FH: variants seen among roughly 807,000 people sequenced by gnomAD.
The protein encoded by FH is fumarate hydratase.
FH carries 22 observed loss-of-function variants against 49.4 expected under a neutral mutation model. That is an observed-to-expected ratio of 0.45 (90% CI 0.32 to 0.64). The LOEUF is 0.64. FH is among the 30% of genes least tolerant of loss of function. FH has a pLI of 0.05. For synonymous variants in FH, 208 were observed against 223.0 expected, an observed-to-expected ratio of 0.93 and a Z score of 0.60; for missense variants, 526 against 641.5, an observed-to-expected ratio of 0.82 and a Z score of 1.95.
intron 9 of FH, among the ~76,000 whole-genome samples, chr1:241,498,694 C>CACATAT (rs1659685886): frequency 5.6e-5 from 3 of 53,166 alleles, no homozygotes; most frequent in African/African-American, 2.2e-4. Context: ...GCTGTCTTAA[C>CACATAT]ATATATATAT....
chr1:241,501,698 A>C (rs995665054), intron 8 of FH, among the ~76,000 whole-genome samples: 13 of 152,228 alleles, frequency 8.5e-5, no homozygotes, highest in Non-Finnish European at 1.5e-5. Flanking sequence ...AGATTCCAAG[A>C]GAAAGTAAGC....
At chr1:241,513,127 G>A (rs576471334) in intron 3 of FH, among the ~76,000 whole-genome samples, 10 of 151,908 alleles carry the variant, frequency 6.6e-5, no homozygotes, top group African/African-American at 2.2e-4. Context: ...TTATAGTTAC[G>A]CATTGTCTAA....
chr1:241,515,894 T>C (rs1356741136), intron 2 of FH, among the ~76,000 whole-genome samples: 1 of 152,210 alleles, frequency 6.6e-6, no homozygotes, highest in Admixed American at 6.5e-5. Context: ...TTCTAATTAA[T>C]GGCATCTTAA....
chr1:241,508,467 G>C (rs1659984641), intron 5 of FH, 136 bp downstream of exon 5: 1 of 726,558 alleles, frequency 1.4e-6, no homozygotes. Flanking sequence ...ATTACTGATT[G>C]GTTGAACAGA....
intron 8 of FH, among the ~76,000 whole-genome samples, chr1:241,501,128 A>G (rs1659770860): frequency 6.6e-6 from 1 of 152,192 alleles, no homozygotes; most frequent in South Asian, 2.1e-4. Flanking sequence ...TCACTGTAAA[A>G]TAACTTTTCA....
rs1245254230 is a variant in FH, at chr1:241,506,018, C to T, written c.889G>A (p.Val297Met). 3.7e-6 allele frequency: 6 copies of T among 1,613,854 alleles called. No homozygotes were observed. Among genetic ancestry groups the T allele is most frequent in the African/African-American group, 2.7e-5 (2 of 74,908 alleles). ...IGFAEKVAAKVAALTGLPFVT... is the reference protein window; with the variant it reads ...IGFAEKVAAKMAALTGLPFVT... ...GATCACTAACCTGTAAGTGCAGCCA[C>T]TTTTGCAGCAACCTTTTCTGCAAAG... The change falls in exon 6 of 10, where the codon GTG becomes ATG. Residue 297 changes from valine (V) to methionine (M), a missense_variant. This residue lies in a region of FH where 383 missense variants were observed against 514.0 expected (regional missense o/e 0.75). Transcript: ENST00000366560.
chr1:241,517,061 C>G, intron 2 of FH, 121 bp downstream of exon 2: 6 of 1,249,228 alleles, frequency 4.8e-6, no homozygotes, highest in Non-Finnish European at 6.9e-6. Context: ...TTATTACTCA[C>G]GAAGCCATCT....
At chr1:241,513,258 T>C (rs1291084597) in intron 3 of FH, among the ~76,000 whole-genome samples, 2 of 152,098 alleles carry the variant, frequency 1.3e-5, no homozygotes, top group African/African-American at 4.8e-5. Context: ...ATTCTCAATA[T>C]GCATTATCAA....
At chr1:241,515,368 C>T (rs2992644) in intron 2 of FH, among the ~76,000 whole-genome samples, 98,527 of 151,880 alleles carry the variant, frequency 0.65, 32,335 homozygotes, top group South Asian at 0.76. Flanking sequence ...AAACGGCAGC[C>T]ATGCTCACTC....
rs573311798 is a variant in FH at position 241,513,704 on chromosome 1, T to C, written c.277A>G (p.Ile93Val). Residue 93 changes from isoleucine to valine, a missense_variant, in exon 3 of 10, where the codon ATT becomes GTT. By Grantham distance (29) the Ile-to-Val change is conservative (BLOSUM62 3). Transcript: ENST00000366560. Reference sequence around the variant, plus strand: ...CGCTTCAAGATGCCAAAAGCTTTAATAACTGGGGTCTAAAATTAATCAGAA... The same window carrying C: ...CGCTTCAAGATGCCAAAAGCTTTAACAACTGGGGTCTAAAATTAATCAGAA... ...GVTERMPTPV[I>V]KAFGILKRAA... 6.2e-6 allele frequency: 10 copies of C among 1,613,364 alleles called. No homozygotes were observed. In the South Asian group the frequency reaches 9.9e-5, roughly 16 times the overall value.
At chr1:241,502,278 C>G (rs1170362804) in intron 8 of FH, among the ~76,000 whole-genome samples, 165 bp downstream of exon 8, 1 of 152,112 alleles carries the variant, frequency 6.6e-6, no homozygotes, top group East Asian at 1.9e-4. Context: ...CAACTAATTT[C>G]TATTATCTAG....
At chr1:241,503,411 G>A (rs576821771) in intron 7 of FH, among the ~76,000 whole-genome samples, 4 of 152,292 alleles carry the variant, frequency 2.6e-5, no homozygotes, top group Admixed American at 1.3e-4. Context: ...TCTCAGTTCT[G>A]TCATCCATAG....
Position 241,499,785 on chromosome 1 carries a change from A to G in FH, c.1390+652T>C, listed in dbSNP as rs577390397. Among the ~76,000 whole-genome samples, 67 of 152,366 alleles carry G rather than the reference A, an allele frequency of 4.4e-4. 1 individual carries two copies. In the South Asian group the frequency reaches 5.2e-3, roughly 12 times the overall value. On this transcript the variant is annotated intron_variant, in intron 9 of 9. Coordinates refer to ENST00000366560, the MANE Select transcript of FH (RefSeq NM_000143.4). The stretch of plus-strand genomic sequence containing the variant: ...AATGCAACATAATGCCTCAAAATCT[A>G]CAAAAGTGTAAACAGTTTATTTAAT...
chr1:241,500,849 AG>A (rs1659760801), intron 8 of FH, among the ~76,000 whole-genome samples: 1 of 152,244 alleles, frequency 6.6e-6, no homozygotes, highest in Admixed American at 6.5e-5. Flanking sequence ...AACACAAAAT[AG>A]CCCATAGCAA....
At chr1:241,519,257 G>C in intron 1 of FH, 1 of 285,460 alleles carries the variant, frequency 3.5e-6, no homozygotes, top group Non-Finnish European at 6.6e-6. Flanking sequence ...CTGGGGGCCT[G>C]CGCGCCAGCA....
intron 6 of FH, among the ~76,000 whole-genome samples, chr1:241,504,986 GC>G (rs1659876576): frequency 6.8e-6 from 1 of 147,156 alleles, no homozygotes; most frequent in Admixed American, 6.9e-5. Context: ...TTGGCTCATT[GC>G]AACCTCCTCC....
At chr1:241,510,047 A>G (rs1660043960) in intron 4 of FH, among the ~76,000 whole-genome samples, 3 of 152,208 alleles carry the variant, frequency 2.0e-5, no homozygotes, top group South Asian at 4.1e-4. Flanking sequence ...TTTCTGAGGC[A>G]GACTTCAGAC....
At chr1:241,503,415 T>C (rs978860111) in intron 7 of FH, among the ~76,000 whole-genome samples, 3 of 152,230 alleles carry the variant, frequency 2.0e-5, no homozygotes, top group Non-Finnish European at 4.4e-5. Context: ...AGTTCTGTCA[T>C]CCATAGTATT....
In FH at chr1:241,513,640, G is replaced by A. The variant is rs2147922975; in HGVS notation, c.341C>T (p.Pro114Leu). The stretch of plus-strand genomic sequence containing the variant: ...CTTCATTATTGCATTAGCAATCTTT[G>A]GATCAAGACCATAATCCTGGTTTAC... ...AEVNQDYGLDPKIANAIMKAA... is the reference protein window; with the variant it reads ...AEVNQDYGLDLKIANAIMKAA... The change falls in exon 3 of 10, where the codon CCA becomes CTA. Residue 114 changes from proline to leucine, a missense_variant. Physicochemically the swap from Pro to Leu is moderately conservative, Grantham distance 98. Around this residue, in one of 2 missense-constraint regions of FH, gnomAD observed 383 missense variants for 514.0 expected, o/e 0.75. Transcript: ENST00000366560. The A allele has an allele frequency of 1.2e-6, 2 of 1,613,982 alleles. No individual in the cohort carries two copies. The highest frequency in any genetic ancestry group is 4.5e-5 in the East Asian group (2 of 44,880).
Sources: allele counts gnomAD v4.1 joint callset (sites outside exome capture counted in the v4.1 genomes callset), GRCh38; gene constraint gnomAD v4.1.1; regional missense constraint gnomAD v4.1.1; transcripts MANE v1.5; gene names NCBI Gene and HGNC (gene_info 2026-07-23, HGNC 2026-07-21).